CNTN3: variants seen among roughly 807,000 people sequenced by gnomAD.
The protein encoded by CNTN3 is contactin-3.
CNTN3 carries 60 observed loss-of-function variants against 119.1 expected under a neutral mutation model. The ratio of observed to expected loss-of-function variants is 0.50; its 90% confidence interval spans 0.41 to 0.62. The LOEUF (loss-of-function observed/expected upper bound fraction) is 0.62, where lower values mean the gene tolerates loss of function less well. Ranked by LOEUF, CNTN3 falls within the 20% of genes least tolerant of loss-of-function variation. The pLI, the probability that CNTN3 is intolerant of heterozygous loss-of-function variation, is 0.00. For synonymous variants in CNTN3, 450 were observed against 438.7 expected, an observed-to-expected ratio of 1.03 and a Z score of -0.32; for missense variants, 1,101 against 1,242.4, an observed-to-expected ratio of 0.89 and a Z score of 1.71.
intron 20 of CNTN3, among the ~76,000 whole-genome samples, chr3:74,284,889 G>T (rs1702078451): frequency 6.6e-6 from 1 of 152,044 alleles, no homozygotes; most frequent in South Asian, 2.1e-4. Flanking sequence ...GCCATTTTTT[G>T]TATGATGGAG....
At chr3:74,311,740 G>A (rs1180885121) in intron 13 of CNTN3, among the ~76,000 whole-genome samples, 1 of 152,164 alleles carries the variant, frequency 6.6e-6, no homozygotes, top group Non-Finnish European at 1.5e-5. Context: ...CTTAGAAGAT[G>A]TCACTCTCTC....
intron 4 of CNTN3, among the ~76,000 whole-genome samples, chr3:74,436,132 G>A (rs990897993): frequency 1.3e-5 from 2 of 152,254 alleles, no homozygotes; most frequent in Admixed American, 6.5e-5. Flanking sequence ...ACAAGCGAGC[G>A]TACTCTGTCA....
chr3:74,542,529 C>T lies in CNTN3; in HGVS notation c.-80-21337G>A, dbSNP rs562585513. On this transcript the variant is annotated intron_variant, in intron 1 of 22. Coordinates refer to ENST00000263665, the MANE Select transcript of CNTN3 (RefSeq NM_020872.3). ...AGCACATTTTTGAAAAAGTTCTTAA[C>T]GCATACTGATCCACACAGTGATGTG... 8.7e-4 allele frequency among the ~76,000 whole-genome samples: 132 copies of T among 152,094 alleles called. 2 individuals are homozygous for T. The highest frequency in any genetic ancestry group is 3.2e-4 in the Non-Finnish European group (22 of 67,996).
intron 11 of CNTN3, among the ~76,000 whole-genome samples, chr3:74,343,971 T>C (rs562619574): frequency 5.9e-5 from 9 of 152,342 alleles, no homozygotes; most frequent in African/African-American, 2.2e-4. Context: ...ATTACTTCAC[T>C]CATCCCAGCA....
intron 11 of CNTN3, among the ~76,000 whole-genome samples, chr3:74,352,621 A>G (rs1219797090): frequency 6.6e-6 from 1 of 152,202 alleles, no homozygotes; most frequent in Non-Finnish European, 1.5e-5. Context: ...TTATTCATCT[A>G]TGTATTCCCA....
intron 11 of CNTN3, among the ~76,000 whole-genome samples, chr3:74,351,734 C>A (rs1703820293): frequency 6.6e-6 from 1 of 152,036 alleles, no homozygotes; most frequent in African/African-American, 2.4e-5. Flanking sequence ...TAAGTATATG[C>A]TGGTGGTGGA....
chr3:74,471,640 T>G (rs1702568662), intron 4 of CNTN3, among the ~76,000 whole-genome samples: 1 of 152,300 alleles, frequency 6.6e-6, no homozygotes, highest in South Asian at 2.1e-4. Context: ...CTGTGACCAC[T>G]TCTGCCAACT....
chr3:74,450,650 T>C (rs972164217), intron 4 of CNTN3, among the ~76,000 whole-genome samples: 7 of 144,350 alleles, frequency 4.8e-5, no homozygotes, highest in Non-Finnish European at 9.1e-5. Flanking sequence ...CTCCCAATGC[T>C]ATCCCTCCCC....
intron 2 of CNTN3, among the ~76,000 whole-genome samples, chr3:74,508,431 AT>A (rs1559638592): frequency 6.6e-6 from 1 of 152,110 alleles, no homozygotes; most frequent in Non-Finnish European, 1.5e-5. Context: ...ATCTGGAACT[AT>A]GGGGTGCGGA....
chr3:74,394,335 G>A (rs1575683909), intron 5 of CNTN3, among the ~76,000 whole-genome samples: 1 of 152,274 alleles, frequency 6.6e-6, no homozygotes, highest in East Asian at 1.9e-4. Context: ...TAACCATACA[G>A]TCATAGCAAA....
intron 11 of CNTN3, among the ~76,000 whole-genome samples, chr3:74,337,243 C>A (rs190098872): frequency 1.3e-5 from 2 of 152,022 alleles, no homozygotes; most frequent in East Asian, 3.9e-4. Context: ...TCTTAGTATA[C>A]ACTTAGAGTA....
At chr3:74,275,506 A>C (rs913825756) in intron 20 of CNTN3, among the ~76,000 whole-genome samples, 1 of 152,300 alleles carries the variant, frequency 6.6e-6, no homozygotes, top group Non-Finnish European at 1.5e-5. Flanking sequence ...AGCCTCCTCA[A>C]ACAAAACAAT....
At chr3:74,319,117 T>C (rs1195362134) in intron 13 of CNTN3, among the ~76,000 whole-genome samples, 1 of 152,066 alleles carries the variant, frequency 6.6e-6, no homozygotes, top group East Asian at 1.9e-4. Flanking sequence ...TTCAATGCCA[T>C]CCCCACCAAG....
chr3:74,539,647 G>A (rs1703814085), intron 1 of CNTN3, among the ~76,000 whole-genome samples: 1 of 152,052 alleles, frequency 6.6e-6, no homozygotes, highest in African/African-American at 2.4e-5. Flanking sequence ...CTGTAGATGG[G>A]ATTCCGGTGC....
In CNTN3 at chr3:74,348,514, G is replaced by T. The variant is rs547764335; in HGVS notation, c.1365-11856C>A. On this transcript the variant is annotated intron_variant, in intron 11 of 22. Coordinates refer to ENST00000263665, the MANE Select transcript of CNTN3 (RefSeq NM_020872.3). ...ACATTCATTCTTAATGCCTTTAGCT[G>T]CCCTAGGTAGGCATTATGACTCTTG... Among the ~76,000 whole-genome samples, 214 of 152,186 alleles carry T rather than the reference G, an allele frequency of 1.4e-3. 1 individual carries two copies. Among genetic ancestry groups the T allele is most frequent in the African/African-American group, 4.2e-3 (174 of 41,508 alleles).
At chr3:74,578,080 G>A (rs776350307) in intron 1 of CNTN3, among the ~76,000 whole-genome samples, 5 of 151,862 alleles carry the variant, frequency 3.3e-5, no homozygotes, top group Non-Finnish European at 5.9e-5. Context: ...TCAAGTTGAC[G>A]CTATTTAATA....
At chr3:74,495,054 T>C (rs1030303344) in intron 3 of CNTN3, among the ~76,000 whole-genome samples, 1 of 152,072 alleles carries the variant, frequency 6.6e-6, no homozygotes, top group Non-Finnish European at 1.5e-5. Flanking sequence ...AGTGTGTTTA[T>C]GTTTTGTCTT....
intron 13 of CNTN3, among the ~76,000 whole-genome samples, chr3:74,310,486 C>G (rs949562207): frequency 6.6e-6 from 1 of 152,090 alleles, no homozygotes; most frequent in Non-Finnish European, 1.5e-5. Flanking sequence ...ATTTGACCAG[C>G]AAGTTGGTAT....
intron 4 of CNTN3, among the ~76,000 whole-genome samples, chr3:74,482,044 A>C (rs1229965944): frequency 2.6e-5 from 4 of 151,918 alleles, no homozygotes; most frequent in Non-Finnish European, 5.9e-5. Context: ...AGAAAACTCC[A>C]AGCCTAAGTT....
Sources: gnomAD v4.1 joint callset for allele counts (sites outside exome capture counted in the v4.1 genomes callset) on GRCh38, gnomAD v4.1.1 for gene constraint, MANE v1.5 for transcripts, NCBI Gene and HGNC (gene_info 2026-07-23, HGNC 2026-07-21) for gene names.